PPFIA2: variants seen among roughly 807,000 people sequenced by gnomAD.
PPFIA2 encodes the protein liprin-alpha-2.
A neutral mutation model predicts 175.5 loss-of-function variants in PPFIA2; 46 were observed. The ratio of observed to expected loss-of-function variants is 0.26; its 90% CI spans 0.21 to 0.34. The LOEUF (loss-of-function observed/expected upper bound fraction) is 0.34. Among genes scored for constraint, PPFIA2 ranks in the 10% least tolerant of loss-of-function variants. PPFIA2 has a pLI of 1.00. For synonymous variants in PPFIA2, 568 were observed against 511.4 expected (o/e 1.11, Z -1.49); for missense variants, 1,179 against 1,506.1 (o/e 0.78, Z 3.60).
chr12:81,609,862 T>C (rs1435020903), intron 4 of PPFIA2, among the ~76,000 whole-genome samples: 1 of 152,166 alleles, frequency 6.6e-6, no homozygotes, highest in Non-Finnish European at 1.5e-5. Context: ...AGTTGCTTTA[T>C]AGTACCTGAG....
In PPFIA2 at chr12:81,325,455, A is replaced by G. The variant is rs539357845; in HGVS notation, c.2642+322T>C. 3.7e-4 allele frequency among the ~76,000 whole-genome samples: 56 copies of G among 152,242 alleles called. 1 individual carries two copies. Among genetic ancestry groups the G allele is most frequent in the East Asian group, 1.4e-3 (7 of 5,162 alleles). On this transcript the variant is annotated intron_variant, in intron 22 of 32. Coordinates refer to ENST00000549396, the MANE Select transcript of PPFIA2 (RefSeq NM_003625.5). ...AGAGAAAACAAAGCTAGATGGTATA[A>G]TCTCATTTTATCAAACCAATCAGGT...
intron 8 of PPFIA2, among the ~76,000 whole-genome samples, chr12:81,384,898 T>C (rs2038587802): frequency 6.6e-6 from 1 of 152,146 alleles, no homozygotes; most frequent in South Asian, 2.1e-4. Flanking sequence ...AGCTGATTTT[T>C]CTTCTTTCCG....
At chr12:81,601,241 A>G (rs567112637) in intron 4 of PPFIA2, among the ~76,000 whole-genome samples, 2 of 152,084 alleles carry the variant, frequency 1.3e-5, no homozygotes, top group South Asian at 4.1e-4. Flanking sequence ...TTGCCAAAGT[A>G]TACAATTTTT....
At chr12:81,414,323 G>A (rs2044548037) in intron 7 of PPFIA2, among the ~76,000 whole-genome samples, 1 of 151,518 alleles carries the variant, frequency 6.6e-6, no homozygotes, top group African/African-American at 2.4e-5. Context: ...CAATTTAGAA[G>A]ATGTCTTCAA....
At chr12:81,319,890 T>C (rs1392454818) in intron 22 of PPFIA2, among the ~76,000 whole-genome samples, 2 of 151,972 alleles carry the variant, frequency 1.3e-5, no homozygotes, top group Non-Finnish European at 2.9e-5. Context: ...CTTTTTGCTT[T>C]ATCTACCCAG....
At chr12:81,463,242 T>A (rs938085768) in intron 4 of PPFIA2, among the ~76,000 whole-genome samples, 1 of 152,100 alleles carries the variant, frequency 6.6e-6, no homozygotes, top group Admixed American at 6.6e-5. Context: ...CAGAATACAA[T>A]GTATAACACA....
chr12:81,489,139 G>A lies in PPFIA2; in HGVS notation c.304-31273C>T, dbSNP rs2059159039. ...AACTACAGTAATTGGAATTATTAAT[G>A]ACTCAGGTATTTCATTAATTTTAGG... On this transcript the variant is annotated intron_variant, in intron 4 of 32. Transcript: ENST00000549396. Among the ~76,000 whole-genome samples, 4 of 151,896 alleles carry A rather than the reference G, an allele frequency of 2.6e-5. No homozygotes were observed. The South Asian group carries it at 8.3e-4, about 31-fold the overall frequency.
At chr12:81,347,909 A>G in intron 17 of PPFIA2, 139 bp from the exon 18 acceptor site, 3 of 1,318,776 alleles carry the variant, frequency 2.3e-6, no homozygotes, top group Non-Finnish European at 3.0e-6. Context: ...TAATTTTTTC[A>G]TCTTTTTTTT....
chr12:81,722,001 G>A (rs2079416980), intron 3 of PPFIA2, among the ~76,000 whole-genome samples: 1 of 150,926 alleles, frequency 6.6e-6, no homozygotes, highest in South Asian at 2.1e-4. Flanking sequence ...TATCTGCAGT[G>A]GTGGTGTAGG....
At chr12:81,662,084 A>T (rs1419434812) in intron 4 of PPFIA2, among the ~76,000 whole-genome samples, 1 of 152,204 alleles carries the variant, frequency 6.6e-6, no homozygotes, top group Non-Finnish European at 1.5e-5. Context: ...CTAAATGCCC[A>T]CAAGAGAAAG....
intron 9 of PPFIA2, among the ~76,000 whole-genome samples, chr12:81,376,659 G>A (rs2036432883): frequency 6.6e-6 from 1 of 152,090 alleles, no homozygotes; most frequent in African/African-American, 2.4e-5. Context: ...TTACCTCACA[G>A]CTTACATGGA....
chr12:81,497,530 CTT>C (rs34030284), intron 4 of PPFIA2, among the ~76,000 whole-genome samples: 211 of 66,168 alleles, frequency 3.2e-3, no homozygotes, highest in African/African-American at 0.01. Context: ...TCATTGATGT[CTT>C]TTTTTTTTTT....
intron 29 of PPFIA2, 31 bp downstream of exon 29, chr12:81,267,881 C>T: frequency 6.4e-7 from 1 of 1,556,664 alleles, no homozygotes; most frequent in South Asian, 1.2e-5. Flanking sequence ...TAAACCAGAA[C>T]ACATTGAGAC....
intron 4 of PPFIA2, chr12:81,512,454 C>A: frequency 1.4e-6 from 1 of 726,684 alleles, no homozygotes; most frequent in South Asian, 2.0e-5. Flanking sequence ...TTCTAATCTT[C>A]CTTTAAAGTT....
intron 7 of PPFIA2, among the ~76,000 whole-genome samples, chr12:81,412,308 G>A (rs1308984338): frequency 7.4e-6 from 1 of 134,378 alleles, no homozygotes; most frequent in African/African-American, 2.8e-5. Context: ...TCCTTCTCTT[G>A]TGTAGATTAC....
At chr12:81,629,837 G>A (rs570395181) in intron 4 of PPFIA2, among the ~76,000 whole-genome samples, 1 of 152,208 alleles carries the variant, frequency 6.6e-6, no homozygotes, top group African/African-American at 2.4e-5. Flanking sequence ...GCAGAATTAC[G>A]GCTTCTCAAA....
intron 14 of PPFIA2, among the ~76,000 whole-genome samples, chr12:81,363,260 G>C (rs1167588261): frequency 6.6e-6 from 1 of 150,986 alleles, no homozygotes; most frequent in Non-Finnish European, 1.5e-5. Context: ...GCAACAATTG[G>C]AGGATTTTTT....
chr12:81,341,070 A>C lies in PPFIA2; in HGVS notation c.2393+8T>G. On this transcript the variant is annotated splice_region_variant and intron_variant, in intron 20 of 32. Transcript: ENST00000549396. Reference sequence around the variant, plus strand: ...CATTCAGTGTGCAGTGTGCCTGCAGAGTCTTACCTTCGAGCATCATTGTGG... The same window carrying C: ...CATTCAGTGTGCAGTGTGCCTGCAGCGTCTTACCTTCGAGCATCATTGTGG... The C allele has an allele frequency of 6.2e-7, 1 of 1,607,016 alleles. No individual in the cohort carries two copies. Among genetic ancestry groups the C allele is most frequent in the African/African-American group, 1.3e-5 (1 of 74,766 alleles).
chr12:81,355,229 T>G (rs1273330872), intron 16 of PPFIA2, among the ~76,000 whole-genome samples: 1 of 152,162 alleles, frequency 6.6e-6, no homozygotes, highest in African/African-American at 2.4e-5. Context: ...CCAGGTGCAT[T>G]GTTAATAAGT....
Sources: gnomAD v4.1 joint callset for allele counts (sites outside exome capture counted in the v4.1 genomes callset) on GRCh38, gnomAD v4.1.1 for gene constraint, MANE v1.5 for transcripts, NCBI Gene and HGNC (gene_info 2026-07-23, HGNC 2026-07-21) for gene names.